Variants in WWC1 observed in about 807,000 individuals in gnomAD.
The protein encoded by WWC1 is protein KIBRA.
WWC1 carries 55 observed loss-of-function variants against 138.4 expected under a neutral mutation model. That is an observed-to-expected ratio of 0.40 (90% CI 0.32 to 0.50). WWC1 has a LOEUF of 0.50. WWC1 is among the 20% of genes least tolerant of loss of function. The pLI, the probability that WWC1 is intolerant of heterozygous loss-of-function variation, is 0.72. For missense variants in WWC1, 1,226 were observed against 1,420.4 expected, an observed-to-expected ratio of 0.86 and a Z score of 2.20; for synonymous variants, 524 against 564.9, an observed-to-expected ratio of 0.93 and a Z score of 1.03.
At chr5:168,297,867 G>A (rs750284126) in intron 1 of WWC1, among the ~76,000 whole-genome samples, 2 of 152,094 alleles carry the variant, frequency 1.3e-5, no homozygotes, top group Admixed American at 6.6e-5. Context: ...AGACCAGGAA[G>A]TTGCATTCAT....
chr5:168,389,608 T>G (rs1329141884), intron 3 of WWC1, among the ~76,000 whole-genome samples: 35 of 149,410 alleles, frequency 2.3e-4, no homozygotes, highest in African/African-American at 5.4e-4. Flanking sequence ...TTTTTTTTTT[T>G]TTTTTTTTTT....
intron 12 of WWC1, 95 bp downstream of exon 12, chr5:168,428,236 C>A: frequency 7.7e-7 from 1 of 1,292,264 alleles, no homozygotes; most frequent in Non-Finnish European, 1.1e-6. Context: ...AGGTTTTGGC[C>A]CCCACAGTGT....
chr5:168,443,215 A>T (rs1754950780), intron 16 of WWC1, among the ~76,000 whole-genome samples: 1 of 152,174 alleles, frequency 6.6e-6, no homozygotes, highest in African/African-American at 2.4e-5. Flanking sequence ...AATGGAGCGG[A>T]TGGGTTGGGA....
intron 11 of WWC1, among the ~76,000 whole-genome samples, chr5:168,426,983 A>T (rs905507390): frequency 4.6e-5 from 7 of 152,208 alleles, no homozygotes; most frequent in Middle Eastern, 3.2e-3. Context: ...GCACGTGTTG[A>T]GTGCTTAGTT....
At chr5:168,410,540 A>G (rs1479527053) in intron 8 of WWC1, among the ~76,000 whole-genome samples, 3 of 152,172 alleles carry the variant, frequency 2.0e-5, no homozygotes, top group Non-Finnish European at 4.4e-5. Context: ...AGCATCTGTT[A>G]TAGGCCTAAA....
Position 168,455,447 on chromosome 5 carries a change from C to A in WWC1, c.2750C>A (p.Pro917Gln). Residue 917 changes from proline to glutamine, a missense_variant, in exon 19 of 23, where the codon CCA (proline) becomes CAA (glutamine). Pro to Gln is a moderately conservative substitution (Grantham distance 76, BLOSUM62 -1). Around this residue, in one of 3 missense-constraint regions of WWC1, gnomAD observed 1,016 missense variants for 1,153.9 expected, o/e 0.88. Transcript: ENST00000265293. ...AGAGTGGGCACCCCGTCCCAGGGGC[C>A]ATTTCTTCGAGGGAGCACCATCATC... ...DRRVGTPSQG[P>Q]FLRGSTIIRS... The A allele has an allele frequency of 6.2e-7, 1 of 1,612,612 alleles. No homozygotes were observed. The highest frequency in any genetic ancestry group is 8.5e-7 in the Non-Finnish European group (1 of 1,179,380).
intron 17 of WWC1, among the ~76,000 whole-genome samples, chr5:168,453,489 A>G (rs528254405): frequency 6.6e-6 from 1 of 152,332 alleles, no homozygotes; most frequent in South Asian, 2.1e-4. Flanking sequence ...GTGGTTACAT[A>G]GGTGAGTACA....
At chr5:168,415,095 A>T (rs1024714107) in intron 9 of WWC1, 3 of 165,348 alleles carry the variant, frequency 1.8e-5, no homozygotes, top group Non-Finnish European at 4.0e-5. Context: ...GCAGTTTGAA[A>T]AACACTGGTC....
intron 1 of WWC1, among the ~76,000 whole-genome samples, chr5:168,311,605 T>A (rs1208981055): frequency 7.6e-6 from 1 of 131,534 alleles, no homozygotes; most frequent in African/African-American, 2.7e-5. Context: ...GCACAGTGGC[T>A]CACGTCTGTA....
chr5:168,345,337 T>C (rs1031626574), intron 1 of WWC1, among the ~76,000 whole-genome samples: 4 of 152,224 alleles, frequency 2.6e-5, no homozygotes, highest in African/African-American at 4.8e-5. Context: ...ACTCTCGACC[T>C]CAAGTGATCC....
intron 1 of WWC1, among the ~76,000 whole-genome samples, chr5:168,310,303 C>A (rs1005123845): frequency 4.0e-5 from 6 of 151,804 alleles, no homozygotes; most frequent in Non-Finnish European, 8.8e-5. Flanking sequence ...CCCAGATTTA[C>A]CAGTTTTTTT....
At chr5:168,366,161 C>G (rs1313052396) in intron 1 of WWC1, among the ~76,000 whole-genome samples, 1 of 152,236 alleles carries the variant, frequency 6.6e-6, no homozygotes, top group East Asian at 1.9e-4. Context: ...CTCTCCTTAA[C>G]TGCCAGGAAG....
At chr5:168,354,483 CT>C (rs1168228910) in intron 1 of WWC1, among the ~76,000 whole-genome samples, 1 of 152,130 alleles carries the variant, frequency 6.6e-6, no homozygotes, top group Admixed American at 6.5e-5. Context: ...TATTTGGATA[CT>C]TTTTAAAATA....
chr5:168,444,862 T>TA (rs56691330), intron 17 of WWC1, among the ~76,000 whole-genome samples: 82,159 of 144,692 alleles, frequency 0.57, 23,137 homozygotes, highest in East Asian at 0.77. Context: ...TTTATTTTGC[T>TA]AAAAAAAAAA....
chr5:168,423,482 G>A (rs1423100509), intron 10 of WWC1, 51 bp from the exon 11 acceptor site: 2 of 1,552,766 alleles, frequency 1.3e-6, no homozygotes, highest in South Asian at 1.2e-5. Context: ...GGTCTCAGGG[G>A]GCCCACTTCA....
chr5:168,413,444 C>T (rs1780371185), intron 8 of WWC1, among the ~76,000 whole-genome samples: 1 of 152,164 alleles, frequency 6.6e-6, no homozygotes, highest in African/African-American at 2.4e-5. Flanking sequence ...GCTGTGTTCT[C>T]ACATAACCCA....
intron 3 of WWC1, among the ~76,000 whole-genome samples, chr5:168,394,469 G>A (rs766179722): frequency 5.1e-4 from 77 of 150,586 alleles, no homozygotes; most frequent in Admixed American, 3.7e-3. Context: ...GCTCACGCCT[G>A]TAATCCCAGC....
At chr5:168,455,560 A>T in intron 19 of WWC1, 40 bp downstream of exon 19, 1 of 1,592,854 alleles carries the variant, frequency 6.3e-7, no homozygotes, top group Non-Finnish European at 8.5e-7. Flanking sequence ...CCCTCAGGGT[A>T]GCCGAGAGCT....
chr5:168,334,163 GC>G (rs1773262085), intron 1 of WWC1, among the ~76,000 whole-genome samples: 1 of 150,710 alleles, frequency 6.6e-6, no homozygotes, highest in African/African-American at 2.4e-5. Flanking sequence ...GTTCAGGCTT[GC>G]AGTGAGCTAT....
Sources: allele counts gnomAD v4.1 joint callset (sites outside exome capture counted in the v4.1 genomes callset), GRCh38; gene constraint gnomAD v4.1.1; regional missense constraint gnomAD v4.1.1; transcripts MANE v1.5; gene names NCBI Gene and HGNC (gene_info 2026-07-23, HGNC 2026-07-21).